TRIM59: variants seen among roughly 807,000 people sequenced by gnomAD.
TRIM59 encodes the protein tripartite motif containing 59, also known as tripartite motif-containing protein 59.
A neutral mutation model predicts 32.2 loss-of-function variants in TRIM59; 14 were observed. That is an observed-to-expected ratio of 0.43 (90% CI 0.29 to 0.68). TRIM59 has a LOEUF of 0.68. Ranked by LOEUF, TRIM59 falls within the 30% of genes least tolerant of loss-of-function variation. The probability of loss-of-function intolerance (pLI) is 0.15; values close to 1 mark genes in which losing one functional copy is unlikely to be tolerated. For missense variants in TRIM59, 471 were observed against 463.3 expected (o/e 1.02, Z -0.15); for synonymous variants, 163 against 155.1 (o/e 1.05, Z -0.38).
intron 2 of TRIM59, among the ~76,000 whole-genome samples, chr3:160,442,480 A>C (rs1719305718): frequency 6.6e-6 from 1 of 151,512 alleles, no homozygotes; most frequent in African/African-American, 2.4e-5. Context: ...AATCCCAGCT[A>C]CTCGGGAAGC....
Position 160,437,736 on chromosome 3 carries a change from A to C in TRIM59, c.*236T>G, listed in dbSNP as rs957975190. 15 of 1,160,928 alleles carry C rather than the reference A, an allele frequency of 1.3e-5. No homozygotes were observed. The highest frequency in any genetic ancestry group is 4.4e-5 in the Admixed American group (1 of 22,680). 71.9% of individuals were successfully genotyped at this position (1,160,928 alleles called of 1,614,324 possible). A position where few individuals can be genotyped will look rare whatever the true frequency, so the allele number is the denominator to read the frequency against. On this transcript the variant is annotated 3_prime_UTR_variant, in exon 3 of 3. Transcript: ENST00000309784. The stretch of plus-strand genomic sequence containing the variant: ...ATGTCAACCATCATAAAGCCAATAA[A>C]AATGGGATAGTGTATTACTTTTCAA...
At chr3:160,448,833 T>A in intron 1 of TRIM59, 38 bp from the exon 2 acceptor site, 1 of 1,075,900 alleles carries the variant, frequency 9.3e-7, no homozygotes. Flanking sequence ...TGTTTTCAAT[T>A]TATTGTCTCA....
chr3:160,446,249 A>G (rs1003516311), intron 2 of TRIM59, among the ~76,000 whole-genome samples: 2 of 152,188 alleles, frequency 1.3e-5, no homozygotes, highest in Non-Finnish European at 2.9e-5. Flanking sequence ...GCCCTACTCA[A>G]CTGTTCCAGA....
At chr3:160,449,646 G>C in intron 1 of TRIM59, 71 bp downstream of exon 1, 1 of 1,289,680 alleles carries the variant, frequency 7.8e-7, no homozygotes, top group Non-Finnish European at 1.0e-6. Flanking sequence ...AGGCACACCA[G>C]ACTGTGCTAC....
Position 160,438,874 on chromosome 3 carries a change from G to A in TRIM59, c.310C>T (p.Pro104Ser). 6.2e-7 allele frequency: 1 copy of A among 1,613,942 alleles called. No individual in the cohort carries two copies. Among genetic ancestry groups the A allele is most frequent in the South Asian group, 1.1e-5 (1 of 91,066 alleles). ...IVTCPEHYRQ[P>S]LNVYCLLDKK... ...TCTAATAGACAGTAAACATTTAATG[G>A]TTGCCTGTAATGTTCAGGGCAGGTG... The change falls in exon 3 of 3, where the codon CCA becomes TCA. Residue 104 changes from proline (P) to serine (S), a missense_variant. By Grantham distance (74) the Pro-to-Ser change is moderately conservative. Coordinates refer to ENST00000309784, the MANE Select transcript of TRIM59 (RefSeq NM_173084.3).
At position 160,437,500 on chromosome 3, in the gene TRIM59, T is replaced by C. The variant is rs1719042395; in HGVS notation, c.*472A>G. ...ATCAAAAGATCTTTAAGCCATGCCT[T>C]ATCACTTTAAGACTTTGTTGCTTGA... On this transcript the variant is annotated 3_prime_UTR_variant, in exon 3 of 3. Transcript: ENST00000309784. 1.0e-6 allele frequency: 1 copy of C among 985,472 alleles called. No individual in the cohort carries two copies. The highest frequency in any genetic ancestry group is 6.1e-5 in the Admixed American group (1 of 16,266). The allele number at this position is 985,472 out of a possible 1,614,324, so 61.0% of individuals were successfully genotyped here.
chr3:160,446,500 T>C (rs1411868039), intron 2 of TRIM59, among the ~76,000 whole-genome samples: 1 of 152,092 alleles, frequency 6.6e-6, no homozygotes, highest in Non-Finnish European at 1.5e-5. Flanking sequence ...TTAATATAAT[T>C]CAGTCAATTA....
Position 160,449,764 on chromosome 3 carries a change from G to A in TRIM59, c.-121C>T. ...CAACTCCACAGCACGGAAACACAGCGCCACGAGCTCCAGGCGGATGCTGAG... is the reference window on the plus strand; with the variant it reads ...CAACTCCACAGCACGGAAACACAGCACCACGAGCTCCAGGCGGATGCTGAG... On this transcript the variant is annotated 5_prime_UTR_variant, in exon 1 of 3. Coordinates refer to ENST00000309784, the MANE Select transcript of TRIM59 (RefSeq NM_173084.3). 1.6e-6 allele frequency: 2 copies of A among 1,280,172 alleles called. No individual in the cohort carries two copies. Among genetic ancestry groups the A allele is most frequent in the Admixed American group, 2.3e-5 (1 of 43,556 alleles). 79.3% of individuals were successfully genotyped at this position (1,280,172 alleles called of 1,614,324 possible).
chr3:160,437,592 A>G lies in TRIM59; in HGVS notation c.*380T>C. ...CTTCAAGCCACATCAAAATAAAGGT[A>G]TATGTTCTTTCAGGATTTTGCTATA... On this transcript the variant is annotated 3_prime_UTR_variant, in exon 3 of 3. Coordinates refer to ENST00000309784, the MANE Select transcript of TRIM59 (RefSeq NM_173084.3). 3.0e-6 allele frequency: 3 copies of G among 988,234 alleles called. No homozygotes were observed. Among genetic ancestry groups the G allele is most frequent in the Non-Finnish European group, 3.6e-6 (3 of 831,896 alleles). 61.2% of individuals were successfully genotyped at this position (988,234 alleles called of 1,614,324 possible).
At chr3:160,442,829 A>T (rs1341002386) in intron 2 of TRIM59, among the ~76,000 whole-genome samples, 1 of 152,170 alleles carries the variant, frequency 6.6e-6, no homozygotes, top group Non-Finnish European at 1.5e-5. Flanking sequence ...AGTAAACTAT[A>T]TAGGTGGGCC....
rs1028089672 is a variant in TRIM59, at chr3:160,436,407, G to A, written c.*1565C>T. Reference sequence around the variant, plus strand: ...GCACTTAGAGTTGCATGGACAGTGGGCCAAAAGTCGTAACACATGCATCAT... The same window carrying A: ...GCACTTAGAGTTGCATGGACAGTGGACCAAAAGTCGTAACACATGCATCAT... On this transcript the variant is annotated 3_prime_UTR_variant, in exon 3 of 3. Coordinates refer to ENST00000309784, the MANE Select transcript of TRIM59 (RefSeq NM_173084.3). The A allele has an allele frequency of 1.0e-6, 1 of 985,910 alleles. No homozygotes were observed. The highest frequency in any genetic ancestry group is 6.1e-5 in the Admixed American group (1 of 16,280). The allele number at this position is 985,910 out of a possible 1,614,324, so 61.1% of individuals were successfully genotyped here. A position where few individuals can be genotyped will look rare whatever the true frequency, so the allele number is the denominator to read the frequency against.
In TRIM59 at chr3:160,436,158, A is replaced by T. The variant is rs191253727; in HGVS notation, c.*1814T>A. ...GGTATAAGTCTGATTCTAATAATAAATTGATATAATACAGTCATCTTAGTG... is the reference window on the plus strand; with the variant it reads ...GGTATAAGTCTGATTCTAATAATAATTTGATATAATACAGTCATCTTAGTG... On this transcript the variant is annotated 3_prime_UTR_variant, in exon 3 of 3. Coordinates refer to ENST00000309784, the MANE Select transcript of TRIM59 (RefSeq NM_173084.3). The T allele has an allele frequency of 5.8e-6, 6 of 1,031,620 alleles. No homozygotes were observed. The Admixed American group carries it at 3.4e-4, about 59-fold the overall frequency. The allele number at this position is 1,031,620 out of a possible 1,614,324, so 63.9% of individuals were successfully genotyped here.
At position 160,445,598 on chromosome 3, in the gene TRIM59, A is replaced by T. The variant is rs558325011; in HGVS notation, c.-4+3128T>A. Among the ~76,000 whole-genome samples the T allele has an allele frequency of 2.0e-5, 3 of 151,150 alleles. No individual in the cohort carries two copies. In the East Asian group the frequency reaches 5.9e-4, roughly 30 times the overall value. On this transcript the variant is annotated intron_variant, in intron 2 of 2. Transcript: ENST00000309784. ...AGACCAGCCTAGCCAACATGACAAA[A>T]CCCCATCTCTACTAAAAATACAAAA...
Position 160,438,928 on chromosome 3 carries a change from A to G in TRIM59, c.256T>C (p.Tyr86His). 1 of 1,614,152 alleles carries G rather than the reference A, an allele frequency of 6.2e-7. No individual in the cohort carries two copies. The highest frequency in any genetic ancestry group is 8.5e-7 in the Non-Finnish European group (1 of 1,180,014). ...NFALRAIIEK[Y>H]QQEDHPDIVT... Reference sequence around the variant, plus strand: ...ATATCTGGATGGTCTTCTTGCTGGTACTTTTCAATAATAGCCCTTAGTGCA... The same window carrying G: ...ATATCTGGATGGTCTTCTTGCTGGTGCTTTTCAATAATAGCCCTTAGTGCA... The change falls in exon 3 of 3, where the codon TAC becomes CAC. Residue 86 changes from tyrosine (Y) to histidine (H), a missense_variant. Tyr to His is a moderately conservative substitution (Grantham distance 83). Coordinates refer to ENST00000309784, the MANE Select transcript of TRIM59 (RefSeq NM_173084.3).
rs1225941237 is a variant in TRIM59 at position 160,446,011 on chromosome 3, G to GTT, written c.-4+2713_-4+2714dup. Among the ~76,000 whole-genome samples, 6 of 152,066 alleles carry GTT rather than the reference G, an allele frequency of 3.9e-5. No homozygotes were observed. The East Asian group carries it at 1.2e-3, about 30-fold the overall frequency. On this transcript the variant is annotated intron_variant, in intron 2 of 2. Transcript: ENST00000309784. Reference sequence around the variant, plus strand: ...CTTTGTAGAGATAGGGTCTCACTACGTTGCCCAGGCTGGTCTCAAACCCCT... The same window carrying GTT: ...CTTTGTAGAGATAGGGTCTCACTACGTTTTGCCCAGGCTGGTCTCAAACCCCT...
At chr3:160,445,952 G>A (rs1302315516) in intron 2 of TRIM59, among the ~76,000 whole-genome samples, 2 of 151,858 alleles carry the variant, frequency 1.3e-5, no homozygotes, top group African/African-American at 2.4e-5. Context: ...TAGCTGATAG[G>A]TGCATGTTAA....
intron 2 of TRIM59, among the ~76,000 whole-genome samples, chr3:160,446,204 C>T (rs1325525334): frequency 6.6e-6 from 1 of 152,164 alleles, no homozygotes; most frequent in African/African-American, 2.4e-5. Flanking sequence ...TTTCTGGATA[C>T]TCTTGAAATC....
chr3:160,440,978 T>C (rs1159363149), intron 2 of TRIM59, among the ~76,000 whole-genome samples: 2 of 152,076 alleles, frequency 1.3e-5, no homozygotes, highest in Admixed American at 1.3e-4. Flanking sequence ...GCTATAAAAC[T>C]AACTTTTAAG....
rs575957798 is a variant in TRIM59 at position 160,440,395 on chromosome 3, G to A, written c.-3-1209C>T. Among the ~76,000 whole-genome samples, 18 of 152,282 alleles carry A rather than the reference G, an allele frequency of 1.2e-4. No individual in the cohort carries two copies. In the South Asian group the frequency reaches 3.5e-3, roughly 30 times the overall value. ...AGACAGAAAAAGAAACGTAGCGATA[G>A]TTCAGAGACCATCTCTGACACAAGT... On this transcript the variant is annotated intron_variant, in intron 2 of 2. Coordinates refer to ENST00000309784, the MANE Select transcript of TRIM59 (RefSeq NM_173084.3).
Sources: gnomAD v4.1 joint callset for allele counts (sites outside exome capture counted in the v4.1 genomes callset) on GRCh38, gnomAD v4.1.1 for gene constraint, MANE v1.5 for transcripts, NCBI Gene and HGNC (gene_info 2026-07-23, HGNC 2026-07-21) for gene names.